CELF2: variants seen among roughly 807,000 people sequenced by gnomAD.
CELF2 encodes CUG triplet repeat RNA-binding protein 2.
Under a neutral mutation model 62.6 loss-of-function variants are expected in CELF2, and 8 were observed. The ratio of observed to expected loss-of-function variants is 0.13; its 90% CI spans 0.07 to 0.23. The LOEUF (loss-of-function observed/expected upper bound fraction) is 0.23. Ranked by LOEUF, CELF2 falls within the 10% of genes least tolerant of loss-of-function variation. The probability of loss-of-function intolerance (pLI) is 1.00; values close to 1 mark genes in which losing one functional copy is unlikely to be tolerated. For missense variants in CELF2, 333 were observed against 671.0 expected (o/e 0.50, Z 5.56); for synonymous variants, 258 against 250.0 (o/e 1.03, Z -0.30).
chr10:10,832,554 A>T (rs1473129340), intron 1 of CELF2, among the ~76,000 whole-genome samples: 1 of 152,176 alleles, frequency 6.6e-6, no homozygotes, highest in African/African-American at 2.4e-5. Flanking sequence ...CACAAAGGAG[A>T]GAATAACCCT....
the CELF2 span, among the ~76,000 whole-genome samples, chr10:10,561,703 G>C: frequency 1.3e-5 from 2 of 152,140 alleles, no homozygotes; most frequent in Non-Finnish European, 2.9e-5. Context: ...TGGGATTAGA[G>C]GTGGGAGCCA....
intron 1 of CELF2, among the ~76,000 whole-genome samples, chr10:10,869,624 G>T (rs1465521409): frequency 2.0e-5 from 3 of 152,104 alleles, no homozygotes; most frequent in African/African-American, 7.2e-5. Flanking sequence ...TAGGATTTCT[G>T]CTCTGTCCCA....
At chr10:10,486,423 T>C in the CELF2 span, among the ~76,000 whole-genome samples, 2 of 152,228 alleles carry the variant, frequency 1.3e-5, no homozygotes, top group South Asian at 2.1e-4. Context: ...CTCTAATAAA[T>C]TGCATTTTTT....
chr10:11,026,381 C>G (rs2059210097), intron 1 of CELF2, among the ~76,000 whole-genome samples: 1 of 152,172 alleles, frequency 6.6e-6, no homozygotes, highest in South Asian at 2.1e-4. Context: ...CCCGCCTCCC[C>G]CGCCACACAC....
rs145426766 is a variant in CELF2, at chr10:10,805,921, C to T, written c.53+7104C>T. ...TCTGCTAGATGGGGGAGCAATCAGG[C>T]ATTTAATGAGGGGCCTTTCTATGGA... On this transcript the variant is annotated intron_variant, in intron 1 of 13. Transcript: ENST00000636488. Among the ~76,000 whole-genome samples, 588 of 152,220 alleles carry T rather than the reference C, an allele frequency of 3.9e-3. 3 individuals are homozygous for T. Among genetic ancestry groups the T allele is most frequent in the Admixed American group, 7.5e-3 (115 of 15,290 alleles).
At chr10:10,556,495 G>A in the CELF2 span, among the ~76,000 whole-genome samples, 8 of 152,112 alleles carry the variant, frequency 5.3e-5, no homozygotes, top group African/African-American at 7.2e-5. Flanking sequence ...ATAAACATAC[G>A]TGTGCGTGTG....
chr10:11,135,721 C>T (rs943850516), intron 1 of CELF2, among the ~76,000 whole-genome samples: 1 of 152,162 alleles, frequency 6.6e-6, no homozygotes, highest in African/African-American at 2.4e-5. Context: ...ATTACTGCTC[C>T]CCCACATTTT....
Position 11,211,478 on chromosome 10 carries a change from CA to C in CELF2, c.272-5946del, listed in dbSNP as rs1007650214. 6.6e-6 allele frequency among the ~76,000 whole-genome samples: 1 copy of C among 152,152 alleles called. No individual in the cohort carries two copies. The highest frequency in any genetic ancestry group is 1.5e-5 in the Non-Finnish European group (1 of 68,026). ...ATATCATTGTCTAGAGTGGTGTCTA[CA>C]TTACCTCCACACTGAAAAATATAAA... On this transcript the variant is annotated intron_variant, in intron 2 of 12. Transcript: ENST00000633077. This position sits in a 1 kb window ranked among gnomAD's most constrained non-coding sequence, Gnocchi z 4.8.
At chr10:10,529,577 A>T in the CELF2 span, among the ~76,000 whole-genome samples, 15 of 150,908 alleles carry the variant, frequency 9.9e-5, no homozygotes, top group African/African-American at 3.7e-4. Context: ...CCAGCTACTC[A>T]GGAGGCTGAG....
the CELF2 span, among the ~76,000 whole-genome samples, chr10:10,730,391 C>T: frequency 2.6e-5 from 4 of 152,060 alleles, no homozygotes; most frequent in Non-Finnish European, 4.4e-5. Context: ...GCAGGAGAAT[C>T]GCTTGAACCC....
At chr10:10,467,395 G>A in the CELF2 span, among the ~76,000 whole-genome samples, 1 of 152,018 alleles carries the variant, frequency 6.6e-6, no homozygotes, top group African/African-American at 2.4e-5. Context: ...TCACTTGACA[G>A]TAGGTGTGTT....
chr10:11,037,271 T>C (rs1228522906), intron 1 of CELF2, among the ~76,000 whole-genome samples: 1 of 152,182 alleles, frequency 6.6e-6, no homozygotes, highest in Non-Finnish European at 1.5e-5. Flanking sequence ...TCCTGAGACT[T>C]ACTGTCGTGA....
At chr10:10,495,941 C>A in the CELF2 span, among the ~76,000 whole-genome samples, 1 of 152,156 alleles carries the variant, frequency 6.6e-6, no homozygotes. Context: ...GTGGAAATAA[C>A]CATTTGTTAC....
chr10:10,493,078 A>G, the CELF2 span, among the ~76,000 whole-genome samples: 1 of 152,256 alleles, frequency 6.6e-6, no homozygotes, highest in Non-Finnish European at 1.5e-5. Context: ...CAGCATGAGA[A>G]CAAACTGATA....
chr10:11,295,800 TG>T (rs2093101839), intron 9 of CELF2, among the ~76,000 whole-genome samples: 1 of 152,162 alleles, frequency 6.6e-6, no homozygotes, highest in African/African-American at 2.4e-5. Flanking sequence ...TATTTGGCAT[TG>T]ATCATCCTGC....
chr10:11,211,403 A>G lies in CELF2; in HGVS notation c.272-6022A>G, dbSNP rs1485681262. ...AACCTTGGAGGAAGTTTCTTTAATG[A>G]GTATGGTGTCAGTTTTCTTAAGGGC... On this transcript the variant is annotated intron_variant, in intron 2 of 12. Coordinates refer to ENST00000633077, the MANE Select transcript of CELF2 (RefSeq NM_001326342.2). The surrounding 1 kb of genome is among the most constrained non-coding windows in gnomAD (Gnocchi z 4.8). 6.6e-6 allele frequency among the ~76,000 whole-genome samples: 1 copy of G among 152,228 alleles called. No homozygotes were observed. Among genetic ancestry groups the G allele is most frequent in the East Asian group, 1.9e-4 (1 of 5,206 alleles).
chr10:10,763,022 T>C, the CELF2 span, among the ~76,000 whole-genome samples: 1 of 152,236 alleles, frequency 6.6e-6, no homozygotes, highest in South Asian at 2.1e-4. Context: ...TAGAAGTTCA[T>C]GTTAGCAGTC....
chr10:11,285,329 G>A lies in CELF2; in HGVS notation c.842-3089G>A, dbSNP rs149750296. Among the ~76,000 whole-genome samples the A allele has an allele frequency of 3.7e-4, 57 of 152,166 alleles. No individual in the cohort carries two copies. The highest frequency in any genetic ancestry group is 1.1e-3 in the African/African-American group (45 of 41,468). On this transcript the variant is annotated intron_variant, in intron 8 of 12. Coordinates refer to ENST00000633077, the MANE Select transcript of CELF2 (RefSeq NM_001326342.2). The surrounding 1 kb of genome is among the most constrained non-coding windows in gnomAD (Gnocchi z 4.3). ...TAGTTTTTCCTTTCCTTGCAGTCTG[G>A]CTGTTGAGCAGTGTTAGCTATGCCC...
intron 1 of CELF2, among the ~76,000 whole-genome samples, chr10:11,033,141 G>A (rs2060385841): frequency 6.6e-6 from 1 of 152,128 alleles, no homozygotes; most frequent in Admixed American, 6.5e-5. Flanking sequence ...AAATTCTGAG[G>A]CATAGACATT....
Sources: gnomAD v4.1 joint callset for allele counts (sites outside exome capture counted in the v4.1 genomes callset) on GRCh38, gnomAD v4.1.1 for gene constraint, Gnocchi (gnomAD v3.1) non-coding constraint, MANE v1.5 for transcripts, NCBI Gene and HGNC (gene_info 2026-07-23, HGNC 2026-07-21) for gene names.